The following SCRN1 variants were observed in gnomAD, a reference collection of about 807,000 sequenced individuals.
The protein encoded by SCRN1 is secernin-1.
SCRN1 carries 19 observed loss-of-function variants against 43.3 expected under a neutral mutation model. The observed-to-expected ratio is 0.44, with a 90% CI of 0.31 to 0.64. SCRN1 has a LOEUF of 0.64. SCRN1 is among the 30% of genes least tolerant of loss of function. The pLI is 0.09. For missense variants in SCRN1, 447 were observed against 524.1 expected (o/e 0.85, Z 1.44); for synonymous variants, 183 against 188.9 (o/e 0.97, Z 0.26).
At position 29,926,441 on chromosome 7, in the gene SCRN1, T is replaced by G; in HGVS notation, c.1086+11A>C. The G allele has an allele frequency of 1.9e-6, 3 of 1,608,650 alleles. No homozygotes were observed. The highest frequency in any genetic ancestry group is 1.7e-6 in the Non-Finnish European group (2 of 1,176,402). ...TCCGCCTCCGCCTCTGTGGCCCTCA[T>G]GCAAGCTCACCTGGTCACTTTCGAT... On this transcript the variant is annotated intron_variant, in intron 7 of 7. Transcript: ENST00000242059.
intron 2 of SCRN1, among the ~76,000 whole-genome samples, chr7:29,957,447 T>A (rs1788170836): frequency 6.6e-6 from 1 of 152,212 alleles, no homozygotes; most frequent in Non-Finnish European, 1.5e-5. Context: ...TCCATTCCAT[T>A]TATCCCCTTC....
intron 1 of SCRN1, among the ~76,000 whole-genome samples, chr7:29,972,755 A>G (rs1466729402): frequency 6.6e-6 from 1 of 152,190 alleles, no homozygotes; most frequent in Non-Finnish European, 1.5e-5. Context: ...TCTGAAAAGA[A>G]AATTTTCTGT....
intron 3 of SCRN1, among the ~76,000 whole-genome samples, chr7:29,945,847 T>C (rs368131658): frequency 1.3e-5 from 2 of 152,240 alleles, no homozygotes; most frequent in East Asian, 3.9e-4. Context: ...TCATTCAAAT[T>C]ATAATTCAGG....
chr7:29,990,066 C>A, upstream of SCRN1: 2 of 1,511,306 alleles, frequency 1.3e-6, no homozygotes, highest in South Asian at 1.3e-5. Flanking sequence ...AGGGAAAACC[C>A]GGGCTTCAAG....
chr7:29,949,309 C>T (rs575840116), intron 3 of SCRN1, among the ~76,000 whole-genome samples: 33 of 135,500 alleles, frequency 2.4e-4, no homozygotes, highest in African/African-American at 9.1e-4. Flanking sequence ...AGCAAGACTC[C>T]GTCTAAAAAA....
chr7:29,989,034 G>A (rs1259560256), intron 1 of SCRN1: 1 of 152,060 alleles, frequency 6.6e-6, no homozygotes, highest in African/African-American at 2.4e-5. Flanking sequence ...CGGCTCGAGG[G>A]AAGTTGTGTC....
At chr7:29,981,124 G>C (rs1005631192) in intron 1 of SCRN1, among the ~76,000 whole-genome samples, 3 of 151,144 alleles carry the variant, frequency 2.0e-5, no homozygotes, top group African/African-American at 7.3e-5. Flanking sequence ...TGCTTAAGAA[G>C]AACACTTTAA....
In SCRN1 at chr7:29,944,017, G is replaced by A. The variant is rs375687981; in HGVS notation, c.504C>T (p.Leu168=). 21 of 1,614,126 alleles carry A rather than the reference G, an allele frequency of 1.3e-5. No individual in the cohort carries two copies. The highest frequency in any genetic ancestry group is 1.6e-4 in the Middle Eastern group (1 of 6,062). Residue 168 remains leucine, a synonymous_variant, in exon 4 of 8, where the codon CTC becomes CTT. Transcript: ENST00000242059. ...LIVDRDEAWV[L]ETIGKYWAAE... is the part of the protein sequence containing the mutation. The stretch of plus-strand genomic sequence containing the variant: ...CAGCCCAGTACTTCCCTATGGTCTC[G>A]AGCACCCAGGCTTCATCACGATCCA...
intron 3 of SCRN1, among the ~76,000 whole-genome samples, chr7:29,948,115 T>C (rs1787794755): frequency 6.6e-6 from 1 of 152,192 alleles, no homozygotes; most frequent in Admixed American, 6.5e-5. Context: ...TGTGAAACTT[T>C]TTGACTTATC....
intron 3 of SCRN1, among the ~76,000 whole-genome samples, chr7:29,948,263 T>A (rs752634548): frequency 1.3e-5 from 2 of 152,196 alleles, no homozygotes; most frequent in Non-Finnish European, 2.9e-5. Context: ...TCTGGGGCCT[T>A]GGGCAACTCC....
chr7:29,936,829 G>A (rs1483187989), intron 5 of SCRN1, 108 bp from the exon 6 acceptor site: 5 of 795,360 alleles, frequency 6.3e-6, no homozygotes, highest in African/African-American at 3.5e-5. Flanking sequence ...GGCGGATCAC[G>A]AGGTCAGGAG....
rs570140619 is a variant in SCRN1 at position 29,948,955 on chromosome 7, C to A, written c.342-4776G>T. 5.3e-5 allele frequency among the ~76,000 whole-genome samples: 8 copies of A among 152,294 alleles called. No individual in the cohort carries two copies. The South Asian group carries it at 1.7e-3, about 32-fold the overall frequency. Reference sequence around the variant, plus strand: ...ATACTTCTGACAAAGAGGTTCCAAACGCTTCATAGTTCTCATCCATGTTGA... The same window carrying A: ...ATACTTCTGACAAAGAGGTTCCAAAAGCTTCATAGTTCTCATCCATGTTGA... On this transcript the variant is annotated intron_variant, in intron 3 of 7. Coordinates refer to ENST00000242059, the MANE Select transcript of SCRN1 (RefSeq NM_014766.5).
At chr7:29,944,662 CAAAAAAAAAAA>C (rs397729276) in intron 3 of SCRN1, among the ~76,000 whole-genome samples, 1 of 77,784 alleles carries the variant, frequency 1.3e-5, no homozygotes, top group Non-Finnish European at 2.5e-5. Flanking sequence ...GACCCTGTCT[CAAAAAAAAAAA>C]AAAAAAAGAA....
At chr7:29,935,193 C>T (rs569897032) in intron 6 of SCRN1, among the ~76,000 whole-genome samples, 8 of 152,294 alleles carry the variant, frequency 5.3e-5, no homozygotes, top group African/African-American at 1.9e-4. Flanking sequence ...AAACTAAGAA[C>T]AGCTAATACT....
chr7:29,947,073 G>A, intron 3 of SCRN1: 1 of 1,200,364 alleles, frequency 8.3e-7, no homozygotes, highest in South Asian at 1.6e-5. Context: ...CCTCTGCCTG[G>A]GCAGGACCAG....
intron 6 of SCRN1, among the ~76,000 whole-genome samples, chr7:29,934,835 G>T (rs183169264): frequency 6.6e-6 from 1 of 152,210 alleles, no homozygotes; most frequent in African/African-American, 2.4e-5. Flanking sequence ...TGGTGGGCTT[G>T]TTTCACAGAG....
At chr7:29,946,351 C>T (rs750278009) in intron 3 of SCRN1, among the ~76,000 whole-genome samples, 1 of 152,226 alleles carries the variant, frequency 6.6e-6, no homozygotes, top group Non-Finnish European at 1.5e-5. Context: ...GTTGTACACA[C>T]TCGAAGGCCT....
intron 1 of SCRN1, chr7:29,988,677 A>C (rs1583707506): frequency 6.6e-6 from 1 of 152,538 alleles, no homozygotes; most frequent in South Asian, 2.1e-4. Flanking sequence ...CACCCACCCC[A>C]CCCGGCTGCC....
chr7:29,962,152 T>C (rs986000491), intron 2 of SCRN1, among the ~76,000 whole-genome samples: 1 of 149,384 alleles, frequency 6.7e-6, no homozygotes, highest in African/African-American at 2.4e-5. Flanking sequence ...TTCATATAAT[T>C]ATTAAACACT....
Sources: gnomAD v4.1 joint callset for allele counts (sites outside exome capture counted in the v4.1 genomes callset) on GRCh38, gnomAD v4.1.1 for gene constraint, MANE v1.5 for transcripts, NCBI Gene and HGNC (gene_info 2026-07-23, HGNC 2026-07-21) for gene names.